FBXO4: variants seen among roughly 807,000 people sequenced by gnomAD.
FBXO4 encodes the protein F-box only protein 4.
In FBXO4, 36 loss-of-function variants were observed where a neutral mutation model predicts 43.7. The ratio of observed to expected loss-of-function variants is 0.82; its 90% CI spans 0.63 to 1.09. The LOEUF (loss-of-function observed/expected upper bound fraction) is 1.09. Among genes scored for constraint, FBXO4 ranks in the 50% least tolerant of loss-of-function variants. The pLI is 0.00. For synonymous variants in FBXO4, 180 were observed against 165.6 expected (o/e 1.09, Z -0.67); for missense variants, 435 against 474.1 (o/e 0.92, Z 0.77).
intron 3 of FBXO4, among the ~76,000 whole-genome samples, chr5:41,933,324 T>C (rs115281205): frequency 0.011 from 1,695 of 152,224 alleles, 31 homozygotes; most frequent in Middle Eastern, 0.034. Context: ...CAAGTGATCC[T>C]CCTACCTCAG....
At chr5:42,002,330 G>A in the FBXO4 span, among the ~76,000 whole-genome samples, 3 of 152,182 alleles carry the variant, frequency 2.0e-5, no homozygotes, top group Admixed American at 1.3e-4. Context: ...GCCGCACAAT[G>A]AGCACCATTA....
At chr5:41,986,166 G>A in the FBXO4 span, among the ~76,000 whole-genome samples, 1 of 152,074 alleles carries the variant, frequency 6.6e-6, no homozygotes, top group Non-Finnish European at 1.5e-5. Flanking sequence ...GCTTGAGGTA[G>A]TTCAAAGATA....
At chr5:41,960,935 C>G in the FBXO4 span, among the ~76,000 whole-genome samples, 1 of 152,214 alleles carries the variant, frequency 6.6e-6, no homozygotes, top group Admixed American at 6.5e-5. Context: ...GGGGTAGTTA[C>G]TGAAAAATTG....
chr5:41,980,585 A>G, the FBXO4 span, among the ~76,000 whole-genome samples: 1 of 152,252 alleles, frequency 6.6e-6, no homozygotes, highest in Admixed American at 6.5e-5. Flanking sequence ...TGTGATTCCA[A>G]AACATTCCTA....
downstream of FBXO4, among the ~76,000 whole-genome samples, chr5:41,943,203 A>G (rs1464046734): frequency 6.6e-6 from 1 of 152,152 alleles, no homozygotes; most frequent in Admixed American, 6.5e-5. Flanking sequence ...AAAGAGCTAC[A>G]GGCTATTTTG....
chr5:42,017,954 T>C, the FBXO4 span, among the ~76,000 whole-genome samples: 1 of 152,138 alleles, frequency 6.6e-6, no homozygotes, highest in South Asian at 2.1e-4. Context: ...TTTGGATATA[T>C]ACTCAGTAAT....
chr5:42,028,577 C>T, the FBXO4 span, among the ~76,000 whole-genome samples: 1 of 151,686 alleles, frequency 6.6e-6, no homozygotes, highest in African/African-American at 2.4e-5. Context: ...TATGTGTTTT[C>T]TGGTTGTCCT....
chr5:41,936,771 G>GA (rs143283100), intron 5 of FBXO4, among the ~76,000 whole-genome samples: 1 of 151,612 alleles, frequency 6.6e-6, no homozygotes, highest in African/African-American at 2.4e-5. Context: ...AACACAAAGA[G>GA]AAAAAAAAGT....
the FBXO4 span, among the ~76,000 whole-genome samples, chr5:41,964,986 A>C: frequency 2.0e-5 from 3 of 152,220 alleles, no homozygotes; most frequent in East Asian, 1.9e-4. Flanking sequence ...GGTATTGCCT[A>C]GGTTTTCTTC....
the FBXO4 span, among the ~76,000 whole-genome samples, chr5:42,002,359 G>A: frequency 1.3e-5 from 2 of 152,184 alleles, 1 homozygote; most frequent in African/African-American, 4.8e-5. Flanking sequence ...CTCTCACTAT[G>A]ATGATCCTAA....
the FBXO4 span, chr5:41,951,449 C>T: frequency 4.3e-6 from 1 of 233,572 alleles, no homozygotes; most frequent in South Asian, 5.3e-5. Context: ...AACCTGCACA[C>T]CTTCAGGCCA....
chr5:41,950,009 T>C, the FBXO4 span, among the ~76,000 whole-genome samples: 1 of 151,976 alleles, frequency 6.6e-6, no homozygotes, highest in African/African-American at 2.4e-5. Context: ...ACTGGCTAGC[T>C]GTATGTAGAA....
chr5:41,925,602 G>C, intron 1 of FBXO4, 104 bp downstream of exon 1: 1 of 880,574 alleles, frequency 1.1e-6, no homozygotes. Context: ...GCCCCGGCCT[G>C]GGTCTGGCTC....
At position 41,934,045 on chromosome 5, in the gene FBXO4, T is replaced by C. The variant is rs754980016; in HGVS notation, c.722+24T>C. On this transcript the variant is annotated intron_variant, in intron 4 of 6. Transcript: ENST00000281623. The stretch of plus-strand genomic sequence containing the variant: ...AGGTAAGGCTACATACTTGGTGGCT[T>C]AACTGAAACATCAGAACTAAAACAT... 3 of 1,611,334 alleles carry C rather than the reference T, an allele frequency of 1.9e-6. No individual in the cohort carries two copies. The Admixed American group carries it at 5.0e-5, about 27-fold the overall frequency.
At chr5:41,967,152 T>G in the FBXO4 span, 2 of 409,156 alleles carry the variant, frequency 4.9e-6, no homozygotes, top group African/African-American at 4.2e-5. Context: ...TAGTGGCTAC[T>G]CCAAGCTCTT....
chr5:42,021,123 G>T, the FBXO4 span, among the ~76,000 whole-genome samples: 1 of 152,106 alleles, frequency 6.6e-6, no homozygotes, highest in Non-Finnish European at 1.5e-5. Context: ...AACAGAAAAC[G>T]ATTAGGATCT....
the FBXO4 span, among the ~76,000 whole-genome samples, chr5:42,029,761 T>C: frequency 6.6e-6 from 1 of 152,120 alleles, no homozygotes; most frequent in East Asian, 1.9e-4. Flanking sequence ...TTCTTCAGTA[T>C]GCCAATTGCA....
At chr5:41,982,768 A>G in the FBXO4 span, among the ~76,000 whole-genome samples, 1 of 151,926 alleles carries the variant, frequency 6.6e-6, no homozygotes, top group Admixed American at 6.6e-5. Context: ...TGCAGTATGC[A>G]CTGTTTTGTT....
the FBXO4 span, among the ~76,000 whole-genome samples, chr5:41,999,539 A>ATG: frequency 2.7e-5 from 3 of 109,566 alleles, no homozygotes; most frequent in African/African-American, 1.4e-4. Flanking sequence ...ATATATACAT[A>ATG]TATATGTATA....
Sources: gnomAD v4.1 joint callset for allele counts (sites outside exome capture counted in the v4.1 genomes callset) on GRCh38, gnomAD v4.1.1 for gene constraint, MANE v1.5 for transcripts, NCBI Gene and HGNC (gene_info 2026-07-23, HGNC 2026-07-21) for gene names.